The following DIP2C variants were observed in gnomAD, a reference collection of about 807,000 sequenced individuals.
DIP2C encodes the protein DIP2 acetate--CoA ligase C (putative).
A neutral mutation model predicts 192.4 loss-of-function variants in DIP2C; 33 were observed. The ratio of observed to expected loss-of-function variants is 0.17; its 90% CI spans 0.13 to 0.23. The LOEUF (loss-of-function observed/expected upper bound fraction) is 0.23, where lower values mean the gene tolerates loss of function less well. Among genes scored for constraint, DIP2C ranks in the 10% least tolerant of loss-of-function variants. DIP2C has a pLI of 1.00. For synonymous variants in DIP2C, 979 were observed against 864.1 expected (o/e 1.13, Z -2.33); for missense variants, 1,537 against 2,110.1 (o/e 0.73, Z 5.32).
intron 1 of DIP2C, among the ~76,000 whole-genome samples, chr10:605,861 A>C (rs1852421463): frequency 6.6e-6 from 1 of 152,198 alleles, no homozygotes; most frequent in South Asian, 2.1e-4. Context: ...AACCAAAGAA[A>C]ACCGGGCAGA....
chr10:300,047 C>G (rs145124188), intron 32 of DIP2C, among the ~76,000 whole-genome samples: 2 of 152,142 alleles, frequency 1.3e-5, no homozygotes, highest in African/African-American at 2.4e-5. Flanking sequence ...ACCAGACCCA[C>G]GTGCACTGCT....
intron 1 of DIP2C, among the ~76,000 whole-genome samples, chr10:573,562 C>T (rs1455983478): frequency 1.3e-5 from 2 of 152,012 alleles, no homozygotes. Context: ...GTGTGCAACC[C>T]TCACACCCAG....
At chr10:326,184 C>G (rs1174066417) in intron 31 of DIP2C, among the ~76,000 whole-genome samples, 2 of 152,150 alleles carry the variant, frequency 1.3e-5, no homozygotes, top group Non-Finnish European at 2.9e-5. Context: ...GAGTGATACC[C>G]TGTCTCAAAA....
Position 286,354 on chromosome 10 carries a change from G to T in DIP2C, c.4045-7C>A. Reference sequence around the variant, plus strand: ...TCCGAACCCCTGGAAGTATCTATTTGGGAGAGGAAAAGTCTCTTGTCAATG... The same window carrying T: ...TCCGAACCCCTGGAAGTATCTATTTTGGAGAGGAAAAGTCTCTTGTCAATG... On this transcript the variant is annotated splice_polypyrimidine_tract_variant and splice_region_variant and intron_variant, in intron 33 of 36. Coordinates refer to ENST00000280886, the MANE Select transcript of DIP2C (RefSeq NM_014974.3). 2 of 1,613,844 alleles carry T rather than the reference G, an allele frequency of 1.2e-6. No homozygotes were observed. The highest frequency in any genetic ancestry group is 1.7e-6 in the Non-Finnish European group (2 of 1,179,748).
chr10:624,808 C>G (rs1854090277), intron 1 of DIP2C, among the ~76,000 whole-genome samples: 1 of 152,170 alleles, frequency 6.6e-6, no homozygotes, highest in Non-Finnish European at 1.5e-5. Context: ...CAGGAGCTCA[C>G]CTGGGGCACC....
chr10:421,943 C>T (rs908574153), intron 5 of DIP2C, among the ~76,000 whole-genome samples: 4 of 152,262 alleles, frequency 2.6e-5, no homozygotes, highest in Middle Eastern at 3.4e-3. Context: ...CGCCTCTGAG[C>T]GTAAAGGAGT....
At chr10:600,021 CCAGCGGCAAGGAGGTCTG>C (rs1851952915) in intron 1 of DIP2C, among the ~76,000 whole-genome samples, 1 of 152,178 alleles carries the variant, frequency 6.6e-6, no homozygotes, top group Non-Finnish European at 1.5e-5. Context: ...CAGCGGGCAT[CCAGCGGCAAGGAGGTCTG>C]CACTTCATTC....
intron 1 of DIP2C, among the ~76,000 whole-genome samples, chr10:500,675 T>G (rs1845161243): frequency 6.6e-6 from 1 of 152,252 alleles, no homozygotes; most frequent in Non-Finnish European, 1.5e-5. Flanking sequence ...AAAAGTTGTA[T>G]TTTAACTTAA....
chr10:326,111 C>CG (rs550948862), intron 31 of DIP2C, among the ~76,000 whole-genome samples: 20 of 151,948 alleles, frequency 1.3e-4, no homozygotes, highest in East Asian at 9.7e-4. Context: ...AGCCTGGGAG[C>CG]GGGGGGCAGG....
chr10:292,222 G>T (rs1163722230), intron 32 of DIP2C, among the ~76,000 whole-genome samples: 2 of 152,144 alleles, frequency 1.3e-5, no homozygotes, highest in Non-Finnish European at 2.9e-5. Flanking sequence ...TGCCCAAATC[G>T]GCTCCACGAA....
At chr10:577,885 A>G (rs1408356856) in intron 1 of DIP2C, among the ~76,000 whole-genome samples, 3 of 151,822 alleles carry the variant, frequency 2.0e-5, no homozygotes, top group Non-Finnish European at 4.4e-5. Flanking sequence ...AGTTGGGAGC[A>G]ATTTCTATTT....
chr10:278,927 G>C (rs575593346), intron 36 of DIP2C, among the ~76,000 whole-genome samples: 149 of 152,292 alleles, frequency 9.8e-4, no homozygotes, highest in African/African-American at 3.1e-3. Flanking sequence ...AGGGCTGCTC[G>C]TATCTGCTCT....
chr10:338,160 G>GT, intron 29 of DIP2C, among the ~76,000 whole-genome samples: 1 of 152,358 alleles, frequency 6.6e-6, no homozygotes, highest in Admixed American at 6.5e-5. Flanking sequence ...TAAGCTAAGT[G>GT]TTTTTATAGA....
chr10:517,816 G>GC (rs1478883813), intron 1 of DIP2C, among the ~76,000 whole-genome samples: 1 of 152,180 alleles, frequency 6.6e-6, no homozygotes, highest in African/African-American at 2.4e-5. Flanking sequence ...ACAACCAGTA[G>GC]CCTTTCTCAT....
At chr10:460,397 G>T (rs892687671) in intron 3 of DIP2C, among the ~76,000 whole-genome samples, 1 of 152,144 alleles carries the variant, frequency 6.6e-6, no homozygotes, top group African/African-American at 2.4e-5. Flanking sequence ...AGTTCCAAAA[G>T]AAAGCTATTT....
At chr10:422,112 G>A (rs1222445059) in intron 5 of DIP2C, among the ~76,000 whole-genome samples, 13 of 152,126 alleles carry the variant, frequency 8.5e-5, no homozygotes, top group South Asian at 2.1e-4. Flanking sequence ...CTCGAGCTCC[G>A]TTATCGGCGA....
In DIP2C at chr10:378,642, TAAAG is replaced by T. The variant is rs201483837; in HGVS notation, c.1991+4001_1991+4004del. Among the ~76,000 whole-genome samples the T allele has an allele frequency of 7.0e-3, 923 of 131,770 alleles. 4 individuals are homozygous for T. The highest frequency in any genetic ancestry group is 0.017 in the East Asian group (70 of 4,022). 86.4% of individuals were successfully genotyped at this position (131,770 alleles called of 152,430 possible). ...AAAGACACACGAACACAGACATGCA[TAAAG>T]ACACACATGAACAGATATGCCTAGG... On this transcript the variant is annotated intron_variant, in intron 17 of 36. Transcript: ENST00000280886.
At position 542,634 on chromosome 10, in the gene DIP2C, T is replaced by TA. The variant is rs1848062467; in HGVS notation, c.86-56105dup. On this transcript the variant is annotated intron_variant, in intron 1 of 36. Coordinates refer to ENST00000280886, the MANE Select transcript of DIP2C (RefSeq NM_014974.3). Reference sequence around the variant, plus strand: ...GGAGGGTTCTAACCCTGCCCCTCTCTATACCACAGATCATCAGATCCCAGT... The same window carrying TA: ...GGAGGGTTCTAACCCTGCCCCTCTCTAATACCACAGATCATCAGATCCCAGT... Among the ~76,000 whole-genome samples the TA allele has an allele frequency of 1.3e-5, 2 of 152,206 alleles. 1 individual carries two copies. Among genetic ancestry groups the TA allele is most frequent in the South Asian group, 4.1e-4 (2 of 4,834 alleles).
At chr10:653,174 C>T (rs1856055926) in intron 1 of DIP2C, among the ~76,000 whole-genome samples, 1 of 151,908 alleles carries the variant, frequency 6.6e-6, no homozygotes, top group Non-Finnish European at 1.5e-5. Context: ...GGCAGCCAGG[C>T]ACAGTGGCTC....
Sources: gnomAD v4.1 joint callset for allele counts (sites outside exome capture counted in the v4.1 genomes callset) on GRCh38, gnomAD v4.1.1 for gene constraint, MANE v1.5 for transcripts, NCBI Gene and HGNC (gene_info 2026-07-23, HGNC 2026-07-21) for gene names.